The following HS3ST4 variants were observed in gnomAD, a reference collection of about 807,000 sequenced individuals.
HS3ST4 encodes the protein heparan sulfate glucosamine 3-O-sulfotransferase 4.
Under a neutral mutation model 29.2 loss-of-function variants are expected in HS3ST4, and 17 were observed. That is an observed-to-expected ratio of 0.58 (90% CI 0.40 to 0.87). The LOEUF (loss-of-function observed/expected upper bound fraction) is 0.87. HS3ST4 is among the 40% of genes least tolerant of loss of function. The probability of loss-of-function intolerance (pLI) is 0.00; values close to 1 mark genes in which losing one functional copy is unlikely to be tolerated. For synonymous variants in HS3ST4, 314 were observed against 285.7 expected (o/e 1.10, Z -1.00); for missense variants, 627 against 634.5 (o/e 0.99, Z 0.13).
chr16:25,765,997 G>A (rs1567235526), intron 1 of HS3ST4, among the ~76,000 whole-genome samples: 1 of 152,126 alleles, frequency 6.6e-6, no homozygotes, highest in Non-Finnish European at 1.5e-5. Context: ...AGAGCACAGT[G>A]CATTGATTAG....
At chr16:26,037,432 G>A (rs973512125) in intron 1 of HS3ST4, among the ~76,000 whole-genome samples, 1 of 152,180 alleles carries the variant, frequency 6.6e-6, no homozygotes, top group Non-Finnish European at 1.5e-5. Flanking sequence ...TGTGAGTGTT[G>A]TGTTGTACTC....
intron 1 of HS3ST4, among the ~76,000 whole-genome samples, chr16:25,752,983 T>C (rs1966731811): frequency 1.3e-5 from 2 of 152,234 alleles, no homozygotes; most frequent in South Asian, 4.1e-4. Context: ...CTTAGCAAAA[T>C]GCCATGTTGG....
At chr16:26,055,113 T>TC (rs1898391764) in intron 1 of HS3ST4, among the ~76,000 whole-genome samples, 1 of 151,978 alleles carries the variant, frequency 6.6e-6, no homozygotes, top group African/African-American at 2.4e-5. Flanking sequence ...TTTTTTTTTT[T>TC]CTATCCTCCA....
intron 1 of HS3ST4, among the ~76,000 whole-genome samples, chr16:25,900,540 G>T (rs1403358397): frequency 6.6e-6 from 1 of 152,140 alleles, no homozygotes; most frequent in East Asian, 1.9e-4. Flanking sequence ...GACAGTCAGG[G>T]TGTTATTTGG....
chr16:25,807,892 T>A (rs1198735061), intron 1 of HS3ST4, among the ~76,000 whole-genome samples: 2 of 152,226 alleles, frequency 1.3e-5, no homozygotes, highest in African/African-American at 2.4e-5. Context: ...ATTTTTCTAA[T>A]GGCTAATGCG....
At chr16:25,694,046 TC>T (rs1966275757) in intron 1 of HS3ST4, among the ~76,000 whole-genome samples, 1 of 152,242 alleles carries the variant, frequency 6.6e-6, no homozygotes, top group Non-Finnish European at 1.5e-5. Context: ...CAAACCTCCT[TC>T]GCCTTTGTTG....
intron 1 of HS3ST4, among the ~76,000 whole-genome samples, chr16:25,879,888 G>C (rs1967875831): frequency 1.3e-5 from 2 of 152,126 alleles, no homozygotes; most frequent in African/African-American, 4.8e-5. Flanking sequence ...CATCACAGCA[G>C]GCAAGAGAGC....
At chr16:25,797,163 A>G (rs1966891122) in intron 1 of HS3ST4, among the ~76,000 whole-genome samples, 1 of 152,182 alleles carries the variant, frequency 6.6e-6, no homozygotes, top group Admixed American at 6.5e-5. Context: ...AAGAAATGCC[A>G]TTGTTTCGAA....
At chr16:26,066,903 G>T (rs780149814) in intron 1 of HS3ST4, among the ~76,000 whole-genome samples, 1 of 152,158 alleles carries the variant, frequency 6.6e-6, no homozygotes, top group Non-Finnish European at 1.5e-5. Context: ...AATTCCTGTG[G>T]GGTTGTGTAG....
intron 1 of HS3ST4, among the ~76,000 whole-genome samples, chr16:26,087,487 C>G (rs1898803857): frequency 6.6e-6 from 1 of 152,098 alleles, no homozygotes; most frequent in Admixed American, 6.5e-5. Context: ...ATCTCAACAT[C>G]CCTGCCTCCC....
chr16:25,797,001 G>A (rs75978760), intron 1 of HS3ST4, among the ~76,000 whole-genome samples: 3 of 152,052 alleles, frequency 2.0e-5, no homozygotes, highest in African/African-American at 4.8e-5. Context: ...TCTTAATTCC[G>A]GTCCAGAGAG....
rs548892902 is a variant in HS3ST4 at position 25,900,915 on chromosome 16, T to G, written c.734+207764T>G. 1.8e-3 allele frequency among the ~76,000 whole-genome samples: 268 copies of G among 152,280 alleles called. 3 individuals carry two copies. The South Asian group carries it at 0.031, about 18-fold the overall frequency. ...TGATTACATTACTCTAGATGCCATG[T>G]TCTTCCTACTCTGTTACTCAGCACC... On this transcript the variant is annotated intron_variant, in intron 1 of 1. Coordinates refer to ENST00000331351, the MANE Select transcript of HS3ST4 (RefSeq NM_006040.3).
intron 1 of HS3ST4, among the ~76,000 whole-genome samples, chr16:25,791,226 T>C (rs922329665): frequency 3.9e-5 from 6 of 152,128 alleles, no homozygotes; most frequent in Non-Finnish European, 8.8e-5. Flanking sequence ...ATCTGTTCTC[T>C]GTATTCTGTT....
At chr16:26,097,222 G>T (rs1318356329) in intron 1 of HS3ST4, among the ~76,000 whole-genome samples, 1 of 147,182 alleles carries the variant, frequency 6.8e-6, no homozygotes, top group African/African-American at 2.6e-5. Context: ...TCACAGAATT[G>T]GAAAAAACTA....
At chr16:25,824,099 C>T (rs141546210) in intron 1 of HS3ST4, among the ~76,000 whole-genome samples, 23 of 152,240 alleles carry the variant, frequency 1.5e-4, no homozygotes, top group Non-Finnish European at 3.2e-4. Context: ...GTGTGGAGTG[C>T]AGTTCACTGA....
chr16:25,952,733 C>A (rs1596624467), intron 1 of HS3ST4, among the ~76,000 whole-genome samples: 1 of 152,170 alleles, frequency 6.6e-6, no homozygotes, highest in African/African-American at 2.4e-5. Flanking sequence ...TCCACCAAAG[C>A]CTTAGTTTCT....
At chr16:25,914,277 T>C (rs1968270008) in intron 1 of HS3ST4, among the ~76,000 whole-genome samples, 1 of 149,024 alleles carries the variant, frequency 6.7e-6, no homozygotes, top group African/African-American at 2.5e-5. Flanking sequence ...GGGGTGTGTG[T>C]GGGTAGGGTG....
At chr16:25,811,076 T>TA (rs1967037050) in intron 1 of HS3ST4, among the ~76,000 whole-genome samples, 1 of 152,212 alleles carries the variant, frequency 6.6e-6, no homozygotes. Context: ...ACTGCTGGCT[T>TA]AAAAAACAAC....
At chr16:26,066,275 A>G (rs1351802690) in intron 1 of HS3ST4, among the ~76,000 whole-genome samples, 1 of 152,246 alleles carries the variant, frequency 6.6e-6, no homozygotes, top group Non-Finnish European at 1.5e-5. Flanking sequence ...AGGAAGTCCT[A>G]CATGTCTATC....
Sources: allele counts gnomAD v4.1 joint callset (sites outside exome capture counted in the v4.1 genomes callset), GRCh38; gene constraint gnomAD v4.1.1; transcripts MANE v1.5; gene names NCBI Gene and HGNC (gene_info 2026-07-23, HGNC 2026-07-21).